Variants in LRP5 observed in about 807,000 individuals in gnomAD.
The protein encoded by LRP5 is LDL receptor related protein 5.
In LRP5, 62 loss-of-function variants were observed where a neutral mutation model predicts 154.1. The observed-to-expected ratio is 0.40, with a 90% confidence interval of 0.33 to 0.50. The LOEUF (loss-of-function observed/expected upper bound fraction) is 0.50. Among genes scored for constraint, LRP5 ranks in the 20% least tolerant of loss-of-function variants. LRP5 has a pLI of 0.55. For missense variants in LRP5, 1,915 were observed against 2,336.7 expected, an observed-to-expected ratio of 0.82 and a Z score of 3.72; for synonymous variants, 966 against 1,011.5, an observed-to-expected ratio of 0.96 and a Z score of 0.85.
rs931097381 is a variant in LRP5 at position 68,433,814 on chromosome 11, C to T, written c.3976C>T (p.Arg1326Cys). The T allele has an allele frequency of 4.3e-6, 7 of 1,612,448 alleles. No homozygotes were observed. The highest frequency in any genetic ancestry group is 5.9e-6 in the Non-Finnish European group (7 of 1,179,748). Residue 1326 changes from arginine (R) to cysteine (C), a missense_variant, in exon 18 of 23, where the codon CGC (arginine) becomes TGC (cysteine). Arg to Cys is a radical substitution (Grantham distance 180). This residue lies in a region of LRP5 where 1,094 missense variants were observed against 1,210.1 expected (regional missense o/e 0.90). Transcript: ENST00000294304. Reference sequence around the variant, plus strand: ...CGACGGCGAGGCAGACTGTCAGGACCGCTCAGACGAGGCGGACTGTGACGG... The same window carrying T: ...CGACGGCGAGGCAGACTGTCAGGACTGCTCAGACGAGGCGGACTGTGACGG... ...RCDGEADCQD[R>C]SDEADCDAIC...
intron 1 of LRP5, among the ~76,000 whole-genome samples, chr11:68,337,169 C>G (rs1370598026): frequency 6.6e-6 from 1 of 152,212 alleles, no homozygotes; most frequent in Admixed American, 6.5e-5. Flanking sequence ...CTCGCTCCGC[C>G]AGGCATCAGG....
intron 5 of LRP5, among the ~76,000 whole-genome samples, chr11:68,370,700 G>A (rs2098633572): frequency 6.6e-6 from 1 of 152,214 alleles, no homozygotes; most frequent in Non-Finnish European, 1.5e-5. Flanking sequence ...GCCGTGAGAG[G>A]CACTTTTACA....
chr11:68,389,606 C>CGACATTTACTGACACT (rs2098645204), intron 6 of LRP5, among the ~76,000 whole-genome samples: 1 of 151,676 alleles, frequency 6.6e-6, no homozygotes, highest in African/African-American at 2.4e-5. Context: ...TTACCGACAC[C>CGACATTTACTGACACT]GACATTTACC....
intron 4 of LRP5, among the ~76,000 whole-genome samples, chr11:68,364,542 A>G (rs1321084451): frequency 6.6e-6 from 1 of 152,036 alleles, no homozygotes; most frequent in Non-Finnish European, 1.5e-5. Flanking sequence ...CGTATTTATC[A>G]ATGAATAATC....
chr11:68,383,834 G>A (rs574246008), intron 5 of LRP5, among the ~76,000 whole-genome samples: 22 of 152,354 alleles, frequency 1.4e-4, no homozygotes, highest in African/African-American at 3.8e-4. Context: ...GGAGGAGGTG[G>A]CGGTGCTGTG....
At chr11:68,318,223 T>G (rs914969989) in intron 1 of LRP5, among the ~76,000 whole-genome samples, 2 of 151,824 alleles carry the variant, frequency 1.3e-5, no homozygotes, top group Non-Finnish European at 2.9e-5. Context: ...CCCGGCTAAT[T>G]TTTTGCATTT....
chr11:68,364,644 G>T (rs1804963389), intron 4 of LRP5, among the ~76,000 whole-genome samples: 1 of 152,122 alleles, frequency 6.6e-6, no homozygotes, highest in South Asian at 2.1e-4. Flanking sequence ...GTGACAGTGG[G>T]GCTGCGGCTC....
At position 68,416,268 on chromosome 11, in the gene LRP5, C is replaced by A; in HGVS notation, c.2828-60C>A. 1.5e-5 allele frequency: 22 copies of A among 1,474,490 alleles called. No homozygotes were observed. The South Asian group carries it at 2.4e-4, about 16-fold the overall frequency. 91.3% of individuals were successfully genotyped at this position (1,474,490 alleles called of 1,614,324 possible). A position where few individuals can be genotyped will look rare whatever the true frequency, so the allele number is the denominator to read the frequency against. On this transcript the variant is annotated intron_variant, in intron 12 of 22. Transcript: ENST00000294304. ...GTTGTCGAGTGGCGTGCTATCCCGT[C>A]CTCCAGCTCCTCTGTGGCTTACAGA...
chr11:68,304,761 T>C, the LRP5 span, among the ~76,000 whole-genome samples: 1 of 152,274 alleles, frequency 6.6e-6, no homozygotes, highest in African/African-American at 2.4e-5. Context: ...GCTTTAAGAT[T>C]GAATGATTGC....
intron 7 of LRP5, among the ~76,000 whole-genome samples, chr11:68,393,546 C>T (rs1300008924): frequency 2.6e-5 from 4 of 152,056 alleles, no homozygotes; most frequent in Admixed American, 6.5e-5. Flanking sequence ...TTTGGGAGGC[C>T]GTGGCGGGCG....
intron 5 of LRP5, among the ~76,000 whole-genome samples, chr11:68,380,064 C>T (rs1286596608): frequency 1.3e-5 from 2 of 152,202 alleles, no homozygotes; most frequent in Admixed American, 6.5e-5. Flanking sequence ...ACCTGGGAGG[C>T]AGAGGTTACA....
chr11:68,443,977 G>A (rs947151186), intron 21 of LRP5, among the ~76,000 whole-genome samples: 1 of 151,734 alleles, frequency 6.6e-6, no homozygotes, highest in Non-Finnish European at 1.5e-5. Context: ...CTTTCTTAAC[G>A]TCCTCCTCCT....
chr11:68,384,998 G>A (rs1385175412), intron 5 of LRP5, among the ~76,000 whole-genome samples: 1 of 152,240 alleles, frequency 6.6e-6, no homozygotes, highest in Non-Finnish European at 1.5e-5. Flanking sequence ...CTTCTCTTGT[G>A]CCGGTTGTAC....
chr11:68,349,779 A>G (rs947921857), intron 2 of LRP5, among the ~76,000 whole-genome samples: 3 of 152,154 alleles, frequency 2.0e-5, no homozygotes, highest in African/African-American at 7.2e-5. Context: ...CAGAGGGAAC[A>G]GTTTGCTTGG....
In LRP5 at chr11:68,433,795, C is replaced by T. The variant is rs778998196; in HGVS notation, c.3957C>T (p.Gly1319=). 5.0e-6 allele frequency: 8 copies of T among 1,612,490 alleles called. No homozygotes were observed. The highest frequency in any genetic ancestry group is 1.3e-5 in the African/African-American group (1 of 74,912). ...QCVDLRLRCD[G]EADCQDRSDE... ...TGGACCTGCGCCTGCGCTGCGACGG[C>T]GAGGCAGACTGTCAGGACCGCTCAG... Residue 1319 remains glycine (G), a synonymous_variant, in exon 18 of 23, where the codon GGC becomes GGT. Coordinates refer to ENST00000294304, the MANE Select transcript of LRP5 (RefSeq NM_002335.4).
chr11:68,331,165 C>T (rs1358754771), intron 1 of LRP5, among the ~76,000 whole-genome samples: 2 of 152,204 alleles, frequency 1.3e-5, no homozygotes, highest in South Asian at 2.1e-4. Context: ...GCATCCTTTA[C>T]TGGTTGGGAA....
rs1195762881 is a variant in LRP5, at chr11:68,429,624, T to G, written c.3687T>G (p.Ile1229Met). The G allele has an allele frequency of 6.2e-7, 1 of 1,614,174 alleles. No homozygotes were observed. The highest frequency in any genetic ancestry group is 2.2e-5 in the East Asian group (1 of 44,882). ...ATGGTGGCTGCTCCCACATCTGTAT[T>G]GCCAAGGGTGATGGGACACCACGGT... ...RDNGGCSHIC[I>M]AKGDGTPRCS... The change falls in exon 17 of 23, where the codon ATT becomes ATG. Residue 1229 changes from isoleucine (I) to methionine (M), a missense_variant. This residue lies in a region of LRP5 where 1,094 missense variants were observed against 1,210.1 expected (regional missense o/e 0.90). Transcript: ENST00000294304.
intron 5 of LRP5, among the ~76,000 whole-genome samples, chr11:68,375,490 C>A (rs569142699): frequency 6.6e-6 from 1 of 152,308 alleles, no homozygotes; most frequent in East Asian, 1.9e-4. Flanking sequence ...CCTTCCCCTG[C>A]CCCCTGCCCC....
In LRP5 at chr11:68,429,687, G is replaced by A. The variant is rs748876053; in HGVS notation, c.3750G>A (p.Leu1250=). 1 of 1,614,134 alleles carries A rather than the reference G, an allele frequency of 6.2e-7. No homozygotes were observed. The highest frequency in any genetic ancestry group is 8.5e-7 in the Non-Finnish European group (1 of 1,180,036). ...CPVHLVLLQN[L]LTCGEPPTCS... The stretch of plus-strand genomic sequence containing the variant: ...TCCACCTCGTGCTCCTGCAGAACCT[G>A]CTGACCTGTGGAGGTAGGTGTGACC... Residue 1250 remains leucine (L), a synonymous_variant, in exon 17 of 23, where the codon CTG becomes CTA. Transcript: ENST00000294304.
Sources: gnomAD v4.1 joint callset for allele counts (sites outside exome capture counted in the v4.1 genomes callset) on GRCh38, gnomAD v4.1.1 for gene constraint, gnomAD v4.1.1 regional missense constraint, MANE v1.5 for transcripts, NCBI Gene and HGNC (gene_info 2026-07-23, HGNC 2026-07-21) for gene names.